The following STK38L variants were observed in gnomAD, a reference collection of about 807,000 sequenced individuals.
STK38L encodes serine/threonine kinase 38 like.
A neutral mutation model predicts 59.7 loss-of-function variants in STK38L; 28 were observed. The observed-to-expected ratio is 0.47, with a 90% confidence interval of 0.35 to 0.64. The LOEUF is 0.64. STK38L is among the 30% of genes least tolerant of loss of function. The pLI, the probability that STK38L is intolerant of heterozygous loss-of-function variation, is 0.01. For synonymous variants in STK38L, 162 were observed against 176.8 expected, an observed-to-expected ratio of 0.92 and a Z score of 0.66; for missense variants, 314 against 555.8, an observed-to-expected ratio of 0.56 and a Z score of 4.37.
At chr12:27,291,803 T>A (rs2136634465) in intron 1 of STK38L, among the ~76,000 whole-genome samples, 1 of 152,332 alleles carries the variant, frequency 6.6e-6, no homozygotes, top group South Asian at 2.1e-4. Context: ...ATAGTAGCAT[T>A]AAGGACACTC....
intron 1 of STK38L, among the ~76,000 whole-genome samples, chr12:27,260,501 G>A (rs34807917): frequency 3.9e-5 from 6 of 152,156 alleles, no homozygotes; most frequent in South Asian, 2.1e-4. Flanking sequence ...GGTTTTACAC[G>A]TTCTTGCCCC....
chr12:27,254,307 T>G (rs1277657205), intron 1 of STK38L, among the ~76,000 whole-genome samples: 1 of 152,224 alleles, frequency 6.6e-6, no homozygotes, highest in African/African-American at 2.4e-5. Context: ...GATTCTTTTC[T>G]CCTCTCTACT....
chr12:27,259,248 AAGATGGAGTACT>A (rs1325722005), intron 1 of STK38L, among the ~76,000 whole-genome samples: 4 of 152,190 alleles, frequency 2.6e-5, no homozygotes, highest in African/African-American at 9.7e-5. Flanking sequence ...CTCACTCTGA[AAGATGGAGTACT>A]TTGTCTCCTG....
intron 1 of STK38L, among the ~76,000 whole-genome samples, chr12:27,267,579 CAGG>C (rs1381766320): frequency 6.6e-6 from 1 of 152,182 alleles, no homozygotes; most frequent in Non-Finnish European, 1.5e-5. Flanking sequence ...TCTGCATGTG[CAGG>C]AGTATTTTTA....
Position 27,323,574 on chromosome 12 carries a change from C to A in STK38L, c.*1119C>A, listed in dbSNP as rs879027889. On this transcript the variant is annotated 3_prime_UTR_variant, in exon 14 of 14. Coordinates refer to ENST00000389032, the MANE Select transcript of STK38L (RefSeq NM_015000.4). ...AGATCTTGAACAGAGTGGATGTTCA[C>A]AACTGAGTAGAATTTTCCTTTCCTG... 7 of 152,514 alleles carry A rather than the reference C, an allele frequency of 4.6e-5. No homozygotes were observed. In the South Asian group the frequency reaches 1.0e-3, roughly 23 times the overall value. 9.4% of individuals were successfully genotyped at this position (152,514 alleles called of 1,614,324 possible).
At position 27,314,676 on chromosome 12, in the gene STK38L, T is replaced by G; in HGVS notation, c.672+18T>G. On this transcript the variant is annotated intron_variant, in intron 7 of 13. Coordinates refer to ENST00000389032, the MANE Select transcript of STK38L (RefSeq NM_015000.4). ...ATGCCAAGGCATGTGAATAAACTGG[T>G]GAATTACTAGGCTGTTGATTATTTT... 1 of 1,575,540 alleles carries G rather than the reference T, an allele frequency of 6.3e-7. No individual in the cohort carries two copies. Among genetic ancestry groups the G allele is most frequent in the Non-Finnish European group, 8.6e-7 (1 of 1,163,152 alleles).
Position 27,266,362 on chromosome 12 carries a change from G to T in STK38L, c.-12+22030G>T, listed in dbSNP as rs558228590. Among the ~76,000 whole-genome samples the T allele has an allele frequency of 3.9e-5, 6 of 152,332 alleles. No individual in the cohort carries two copies. In the East Asian group the frequency reaches 9.6e-4, roughly 24 times the overall value. ...TTATAATTTGATTCGGGGAAGTCTA[G>T]TGGAAAAACTTTTTAATGGAGCGAT... On this transcript the variant is annotated intron_variant, in intron 1 of 13. Coordinates refer to ENST00000389032, the MANE Select transcript of STK38L (RefSeq NM_015000.4).
At chr12:27,273,257 G>C (rs1038201383) in intron 1 of STK38L, among the ~76,000 whole-genome samples, 1 of 152,080 alleles carries the variant, frequency 6.6e-6, no homozygotes, top group African/African-American at 2.4e-5. Context: ...AATGGGAGGG[G>C]TCCTGGACTG....
At chr12:27,263,501 C>T (rs938452622) in intron 1 of STK38L, among the ~76,000 whole-genome samples, 2 of 152,184 alleles carry the variant, frequency 1.3e-5, no homozygotes, top group East Asian at 1.9e-4. Context: ...AGTGATGAAT[C>T]GCAAGAACTC....
chr12:27,269,008 T>C (rs1326538884), intron 1 of STK38L, among the ~76,000 whole-genome samples: 2 of 152,252 alleles, frequency 1.3e-5, no homozygotes, highest in African/African-American at 4.8e-5. Flanking sequence ...CATTGTAGAT[T>C]CTGGATATTA....
chr12:27,248,449 C>T (rs76676510), intron 1 of STK38L, among the ~76,000 whole-genome samples: 2 of 152,178 alleles, frequency 1.3e-5, no homozygotes, highest in East Asian at 3.8e-4. Flanking sequence ...GAATAGTCCA[C>T]ATTTGTTATT....
At chr12:27,272,475 C>G (rs1591871249) in intron 1 of STK38L, among the ~76,000 whole-genome samples, 1 of 152,146 alleles carries the variant, frequency 6.6e-6, no homozygotes, top group South Asian at 2.1e-4. Flanking sequence ...GAAAGTAGCT[C>G]TTTTCCCTCC....
At chr12:27,297,365 T>C (rs1393976946) in intron 1 of STK38L, among the ~76,000 whole-genome samples, 1 of 152,270 alleles carries the variant, frequency 6.6e-6, no homozygotes, top group Non-Finnish European at 1.5e-5. Flanking sequence ...TTATAGATTT[T>C]ATTTAGTAAT....
chr12:27,246,733 A>G (rs1942862418), intron 1 of STK38L, among the ~76,000 whole-genome samples: 1 of 134,616 alleles, frequency 7.4e-6, no homozygotes, highest in Non-Finnish European at 1.5e-5. Context: ...TTAGCAAGGT[A>G]TGACCAGTAC....
Position 27,322,161 on chromosome 12 carries a change from C to A in STK38L, c.1194C>A (p.Ile398=). The A allele has an allele frequency of 6.2e-7, 1 of 1,613,634 alleles. No individual in the cohort carries two copies. Residue 398 remains isoleucine, a synonymous_variant, in exon 13 of 14, where the codon ATC becomes ATA. Transcript: ENST00000389032. The stretch of plus-strand genomic sequence containing the variant: ...TTTATAGGGAAAGGCCAGCAGCAAT[C>A]CCTATAGAAATCAAAAGCATTGATG... ...WEHIRERPAA[I]PIEIKSIDDT...
intron 3 of STK38L, among the ~76,000 whole-genome samples, chr12:27,307,301 A>G (rs1944341315): frequency 6.6e-6 from 1 of 152,184 alleles, no homozygotes; most frequent in South Asian, 2.1e-4. Flanking sequence ...ATCTTCTTAG[A>G]TTAACTTTGT....
intron 6 of STK38L, among the ~76,000 whole-genome samples, chr12:27,313,383 TTTAA>T (rs1433325342): frequency 2.0e-5 from 3 of 152,122 alleles, no homozygotes; most frequent in Admixed American, 2.0e-4. Flanking sequence ...TTTGTTTTGT[TTTAA>T]TTTTTATTTT....
chr12:27,301,918 G>A (rs1406634298), intron 2 of STK38L, among the ~76,000 whole-genome samples: 1 of 152,116 alleles, frequency 6.6e-6, no homozygotes, highest in Non-Finnish European at 1.5e-5. Context: ...GTAAGCCTTA[G>A]AAGTAAATTA....
chr12:27,317,520 T>C, intron 10 of STK38L, 67 bp downstream of exon 10: 1 of 1,244,604 alleles, frequency 8.0e-7, no homozygotes, highest in Admixed American at 2.2e-5. Flanking sequence ...TTTGAACATA[T>C]TACAGATATC....
Sources: gnomAD v4.1 joint callset for allele counts (sites outside exome capture counted in the v4.1 genomes callset) on GRCh38, gnomAD v4.1.1 for gene constraint, MANE v1.5 for transcripts, NCBI Gene and HGNC (gene_info 2026-07-23, HGNC 2026-07-21) for gene names.